The following PARD3B variants were observed in gnomAD, a reference collection of about 807,000 sequenced individuals.
The protein encoded by PARD3B is partitioning defective 3 homolog B.
A neutral mutation model predicts 130.2 loss-of-function variants in PARD3B; 103 were observed. The observed-to-expected ratio is 0.79, with a 90% confidence interval of 0.67 to 0.93. PARD3B has a LOEUF of 0.93. Among genes scored for constraint, PARD3B ranks in the 40% least tolerant of loss-of-function variants. PARD3B has a pLI of 0.00. For missense variants in PARD3B, 1,609 were observed against 1,499.2 expected, an observed-to-expected ratio of 1.07 and a Z score of -1.21; for synonymous variants, 583 against 553.2, an observed-to-expected ratio of 1.05 and a Z score of -0.76.
chr2:205,543,441 C>T (rs1414750874), intron 21 of PARD3B, among the ~76,000 whole-genome samples: 1 of 152,134 alleles, frequency 6.6e-6, no homozygotes, highest in Non-Finnish European at 1.5e-5. Flanking sequence ...CAGACAGTCA[C>T]AGACTATTTT....
chr2:205,279,090 A>C lies in PARD3B; in HGVS notation c.2186-21440A>C, dbSNP rs1049812122. On this transcript the variant is annotated intron_variant, in intron 16 of 22. Transcript: ENST00000406610. ...TGTCTCAAAAAAAAAAAAAAAAAAA[A>C]AAAAAACAGTTGTTCATTGCCCAAT... 4.9e-3 allele frequency among the ~76,000 whole-genome samples: 730 copies of C among 149,172 alleles called. 9 individuals are homozygous for C. Among genetic ancestry groups the C allele is most frequent in the African/African-American group, 0.017 (684 of 39,460 alleles).
chr2:204,868,114 G>A (rs995414722), intron 2 of PARD3B, among the ~76,000 whole-genome samples: 32 of 152,138 alleles, frequency 2.1e-4, no homozygotes, highest in African/African-American at 7.7e-4. Context: ...GGGTGGTGAA[G>A]GGTCTATGTG....
intron 1 of PARD3B, among the ~76,000 whole-genome samples, chr2:204,641,550 A>G (rs1285028994): frequency 6.6e-6 from 1 of 152,142 alleles, no homozygotes; most frequent in African/African-American, 2.4e-5. Context: ...TGAAGTAGTA[A>G]TAATGCCTAG....
At chr2:204,586,378 C>G (rs914446590) in intron 1 of PARD3B, among the ~76,000 whole-genome samples, 1 of 152,140 alleles carries the variant, frequency 6.6e-6, no homozygotes, top group Non-Finnish European at 1.5e-5. Flanking sequence ...TCTATTTTAA[C>G]ATATGTCACT....
chr2:205,616,186 T>G lies in PARD3B; in HGVS notation c.*373T>G. The G allele has an allele frequency of 1.1e-5, 2 of 188,010 alleles. No homozygotes were observed. The highest frequency in any genetic ancestry group is 2.2e-5 in the Non-Finnish European group (2 of 92,356). The allele number at this position is 188,010 out of a possible 1,614,324, so 11.6% of individuals were successfully genotyped here. ...GTGCTGATGTGCAGACACGTGGACA[T>G]CCCCCTCTGAGACTGGCGGTCCAGA... On this transcript the variant is annotated 3_prime_UTR_variant, in exon 23 of 23. Coordinates refer to ENST00000406610, the MANE Select transcript of PARD3B (RefSeq NM_001302769.2).
intron 3 of PARD3B, among the ~76,000 whole-genome samples, chr2:204,998,268 T>C (rs143553099): frequency 0.076 from 10,658 of 140,890 alleles, 551 homozygotes; most frequent in Non-Finnish European, 0.11. Context: ...TGTATACCTA[T>C]GTAACAAACA....
intron 3 of PARD3B, among the ~76,000 whole-genome samples, chr2:205,001,082 A>G (rs201703903): frequency 6.6e-6 from 1 of 152,026 alleles, no homozygotes; most frequent in East Asian, 1.9e-4. Context: ...TCTGCCTCCC[A>G]GGTTCAAGTG....
chr2:205,383,122 A>C (rs572105517), intron 18 of PARD3B, among the ~76,000 whole-genome samples: 3 of 150,522 alleles, frequency 2.0e-5, no homozygotes, highest in Admixed American at 6.7e-5. Context: ...ATAGATAGAT[A>C]GATAGATAGA....
chr2:204,991,843 T>C (rs1215809653), intron 3 of PARD3B, among the ~76,000 whole-genome samples: 1 of 151,618 alleles, frequency 6.6e-6, no homozygotes, highest in African/African-American at 2.4e-5. Flanking sequence ...ATGAGCATTT[T>C]TTCATGCGTT....
chr2:204,972,881 G>T (rs1054099471), intron 3 of PARD3B, among the ~76,000 whole-genome samples: 1 of 152,138 alleles, frequency 6.6e-6, no homozygotes, highest in African/African-American at 2.4e-5. Flanking sequence ...TTTGCAGATT[G>T]CTTTTAATAG....
intron 2 of PARD3B, among the ~76,000 whole-genome samples, chr2:204,716,771 C>T (rs563464639): frequency 8.6e-5 from 13 of 151,788 alleles, no homozygotes; most frequent in East Asian, 2.0e-4. Flanking sequence ...CACAGGCGCC[C>T]GCCACCACGC....
chr2:205,071,972 T>A (rs1398916642), intron 4 of PARD3B, among the ~76,000 whole-genome samples: 6 of 139,728 alleles, frequency 4.3e-5, no homozygotes, highest in African/African-American at 1.5e-4. Flanking sequence ...TGACTCATGT[T>A]TTCTGTGAAT....
At chr2:205,218,706 T>A (rs2038078867) in intron 15 of PARD3B, among the ~76,000 whole-genome samples, 1 of 152,088 alleles carries the variant, frequency 6.6e-6, no homozygotes, top group Non-Finnish European at 1.5e-5. Context: ...GCCCATTGCT[T>A]TTACCTTTTC....
chr2:205,598,696 A>G (rs1273261190), intron 22 of PARD3B, among the ~76,000 whole-genome samples: 1 of 152,190 alleles, frequency 6.6e-6, no homozygotes, highest in Admixed American at 6.6e-5. Context: ...AACATACCTA[A>G]GATCGGCCAC....
chr2:205,514,328 C>T (rs1225656351), intron 21 of PARD3B, among the ~76,000 whole-genome samples: 1 of 152,110 alleles, frequency 6.6e-6, no homozygotes, highest in Non-Finnish European at 1.5e-5. Flanking sequence ...GGAACACACA[C>T]ACTTACGTTT....
chr2:204,936,154 G>T (rs560636255), intron 2 of PARD3B, among the ~76,000 whole-genome samples: 1 of 152,180 alleles, frequency 6.6e-6, no homozygotes, highest in Admixed American at 6.5e-5. Flanking sequence ...GTTTTACTCC[G>T]CAGCCAGGAA....
At chr2:205,358,276 A>T (rs538309355) in intron 18 of PARD3B, among the ~76,000 whole-genome samples, 1 of 152,192 alleles carries the variant, frequency 6.6e-6, no homozygotes, top group East Asian at 1.9e-4. Context: ...GTCTTCTAGG[A>T]TTACTCAAAG....
chr2:205,314,002 A>G (rs941981838), intron 18 of PARD3B, among the ~76,000 whole-genome samples: 16 of 152,332 alleles, frequency 1.1e-4, no homozygotes, highest in African/African-American at 3.1e-4. Flanking sequence ...TGATAGTTTT[A>G]TTCATATACA....
intron 1 of PARD3B, among the ~76,000 whole-genome samples, chr2:204,637,474 A>G (rs1223184048): frequency 1.3e-5 from 2 of 152,150 alleles, no homozygotes; most frequent in East Asian, 3.9e-4. Flanking sequence ...TCTGAGATAG[A>G]TGTATAACAT....
Sources: gnomAD v4.1 joint callset for allele counts (sites outside exome capture counted in the v4.1 genomes callset) on GRCh38, gnomAD v4.1.1 for gene constraint, MANE v1.5 for transcripts, NCBI Gene and HGNC (gene_info 2026-07-23, HGNC 2026-07-21) for gene names.